SORCS1: variants seen among roughly 807,000 people sequenced by gnomAD.
SORCS1 encodes VPS10 domain-containing receptor SorCS1.
A neutral mutation model predicts 146.1 loss-of-function variants in SORCS1; 60 were observed. The ratio of observed to expected loss-of-function variants is 0.41; its 90% CI spans 0.33 to 0.51. The LOEUF (loss-of-function observed/expected upper bound fraction) is 0.51, where lower values mean the gene tolerates loss of function less well. SORCS1 is among the 20% of genes least tolerant of loss of function. SORCS1 has a pLI of 0.21. For missense variants in SORCS1, 1,352 were observed against 1,487.6 expected (o/e 0.91, Z 1.50); for synonymous variants, 637 against 584.0 (o/e 1.09, Z -1.31).
chr10:107,149,744 A>T (rs1056036954), intron 1 of SORCS1, among the ~76,000 whole-genome samples: 2 of 152,214 alleles, frequency 1.3e-5, no homozygotes, highest in African/African-American at 4.8e-5. Context: ...TGTGGAATCT[A>T]ATCTGATATT....
At chr10:106,678,587 A>G (rs997191084) in intron 12 of SORCS1, among the ~76,000 whole-genome samples, 1 of 152,210 alleles carries the variant, frequency 6.6e-6, no homozygotes, top group Non-Finnish European at 1.5e-5. Context: ...TGATTGAAGT[A>G]TAACAACCAA....
intron 1 of SORCS1, among the ~76,000 whole-genome samples, chr10:107,119,040 C>T (rs1007063386): frequency 7.2e-5 from 11 of 152,276 alleles, no homozygotes; most frequent in African/African-American, 2.6e-4. Flanking sequence ...GCTGCAGCAT[C>T]AACTAATCTA....
chr10:106,895,519 G>A (rs1951436001), intron 2 of SORCS1, among the ~76,000 whole-genome samples: 1 of 152,186 alleles, frequency 6.6e-6, no homozygotes, highest in South Asian at 2.1e-4. Context: ...GCTGAGGCAG[G>A]TGAATCGCTT....
chr10:106,762,564 T>G (rs1479523683), intron 4 of SORCS1, among the ~76,000 whole-genome samples: 1 of 151,396 alleles, frequency 6.6e-6, no homozygotes, highest in Non-Finnish European at 1.5e-5. Flanking sequence ...GGCTAATTTT[T>G]TTTTTTGTAT....
chr10:106,718,444 G>A (rs1011945141), intron 6 of SORCS1, among the ~76,000 whole-genome samples: 1 of 152,178 alleles, frequency 6.6e-6, no homozygotes. Context: ...TCCTTCAGAT[G>A]TTCAGATGTG....
intron 1 of SORCS1, among the ~76,000 whole-genome samples, chr10:106,998,175 C>T (rs1957077061): frequency 6.6e-6 from 1 of 152,312 alleles, no homozygotes; most frequent in East Asian, 1.9e-4. Context: ...TTACATAATT[C>T]GTTGGCCTCT....
chr10:106,939,355 G>C (rs1459337198), intron 2 of SORCS1, among the ~76,000 whole-genome samples: 1 of 152,138 alleles, frequency 6.6e-6, no homozygotes, highest in Non-Finnish European at 1.5e-5. Context: ...AGACAAACTT[G>C]TGAAATTATC....
chr10:106,801,491 C>T lies in SORCS1; in HGVS notation c.727-24799G>A, dbSNP rs1014859262. Among the ~76,000 whole-genome samples, 8 of 149,676 alleles carry T rather than the reference C, an allele frequency of 5.3e-5. No individual in the cohort carries two copies. In the South Asian group the frequency reaches 6.3e-4, roughly 12 times the overall value. ...GCATATATTAACTCATGTAAACCCACGAATTTATTGGGCAGGAACTATTAG... is the reference window on the plus strand; with the variant it reads ...GCATATATTAACTCATGTAAACCCATGAATTTATTGGGCAGGAACTATTAG... On this transcript the variant is annotated intron_variant, in intron 3 of 25. Transcript: ENST00000263054.
intron 2 of SORCS1, among the ~76,000 whole-genome samples, chr10:106,891,504 C>CTTTTTTTTTTTTTTTTTTTTTTTTTTT (rs760812204): frequency 0.011 from 1,056 of 96,894 alleles, 180 homozygotes; most frequent in Non-Finnish European, 0.014. Context: ...AATGGGAATT[C>CTTTTTTTTTTTTTTTTTTTTTTTTTTT]TTTTTTTTTT....
chr10:107,160,682 T>A (rs1262194199), intron 1 of SORCS1, among the ~76,000 whole-genome samples: 1 of 151,898 alleles, frequency 6.6e-6, no homozygotes, highest in East Asian at 1.9e-4. Flanking sequence ...AGGGGCAGAG[T>A]GGTGAATTGA....
At chr10:107,040,796 A>G (rs56032965) in intron 1 of SORCS1, among the ~76,000 whole-genome samples, 4,450 of 152,244 alleles carry the variant, frequency 0.029, 209 homozygotes, top group African/African-American at 0.1. Context: ...GCACTTAAAA[A>G]ACTAATGAGA....
At chr10:106,908,182 G>A (rs867987988) in intron 2 of SORCS1, among the ~76,000 whole-genome samples, 53 of 152,120 alleles carry the variant, frequency 3.5e-4, no homozygotes, top group African/African-American at 1.1e-3. Flanking sequence ...CTGATATAGT[G>A]TCACACTCAA....
chr10:106,795,769 A>G (rs1428789715), intron 3 of SORCS1, among the ~76,000 whole-genome samples: 1 of 152,344 alleles, frequency 6.6e-6, no homozygotes, highest in East Asian at 1.9e-4. Flanking sequence ...GAATGGGAAC[A>G]TTCTGTAAAG....
intron 1 of SORCS1, among the ~76,000 whole-genome samples, chr10:107,004,877 G>A (rs1667273411): frequency 1.3e-5 from 2 of 152,154 alleles, no homozygotes; most frequent in Admixed American, 1.3e-4. Context: ...GGGTGGGCCT[G>A]TGCGTGTATG....
At chr10:106,610,895 A>G (rs1316550915) in intron 22 of SORCS1, among the ~76,000 whole-genome samples, 1 of 152,156 alleles carries the variant, frequency 6.6e-6, no homozygotes. Context: ...CCTGGCCAAC[A>G]TGGTGACACC....
chr10:107,024,853 C>G (rs1174167697), intron 1 of SORCS1, among the ~76,000 whole-genome samples: 1 of 152,112 alleles, frequency 6.6e-6, no homozygotes, highest in East Asian at 1.9e-4. Context: ...AAAACATTTA[C>G]TGCACCTAAA....
chr10:106,600,522 T>C (rs1318310491), intron 23 of SORCS1: 3 of 985,110 alleles, frequency 3.0e-6, no homozygotes, highest in Admixed American at 1.2e-4. Flanking sequence ...TTTGACAATA[T>C]TTTAGATGTT....
intron 2 of SORCS1, among the ~76,000 whole-genome samples, chr10:106,948,467 G>A (rs1253052068): frequency 6.6e-6 from 1 of 151,960 alleles, no homozygotes; most frequent in African/African-American, 2.4e-5. Flanking sequence ...GAAGCCAGGG[G>A]TCCAAGACCA....
chr10:106,604,527 C>T (rs1846443863), intron 23 of SORCS1, among the ~76,000 whole-genome samples: 1 of 152,128 alleles, frequency 6.6e-6, no homozygotes, highest in Admixed American at 6.5e-5. Flanking sequence ...GCTTTGAGTC[C>T]TGGAATAGGC....
Sources: allele counts gnomAD v4.1 joint callset (sites outside exome capture counted in the v4.1 genomes callset), GRCh38; gene constraint gnomAD v4.1.1; transcripts MANE v1.5; gene names NCBI Gene and HGNC (gene_info 2026-07-23, HGNC 2026-07-21).